Variants in SNX24 observed in about 807,000 individuals in gnomAD.
SNX24 encodes the protein sorting nexin 24, also known as sorting nexin-24.
SNX24 carries 22 observed loss-of-function variants against 28.7 expected under a neutral mutation model. That is an observed-to-expected ratio of 0.77 (90% CI 0.55 to 1.10). The LOEUF (loss-of-function observed/expected upper bound fraction) is 1.10. SNX24 is among the 50% of genes least tolerant of loss of function. The pLI, the probability that SNX24 is intolerant of heterozygous loss-of-function variation, is 0.00. For missense variants in SNX24, 221 were observed against 201.1 expected (o/e 1.10, Z -0.60); for synonymous variants, 69 against 71.5 (o/e 0.96, Z 0.18).
intron 3 of SNX24, among the ~76,000 whole-genome samples, chr5:122,958,784 T>A (rs1487420531): frequency 6.6e-6 from 1 of 152,022 alleles, no homozygotes; most frequent in Admixed American, 6.6e-5. Context: ...GGTCTCAGAC[T>A]CCTGAGCTCA....
At chr5:122,959,300 G>A (rs187405) in intron 3 of SNX24, among the ~76,000 whole-genome samples, 114,178 of 148,024 alleles carry the variant, frequency 0.77, 44,764 homozygotes, top group East Asian at 0.99. Context: ...TTTTTTTTTC[G>A]TGTATTCCAT....
At chr5:122,849,899 AGTGATCTTGAG>A (rs202179823) in intron 1 of SNX24, among the ~76,000 whole-genome samples, 399 of 152,296 alleles carry the variant, frequency 2.6e-3, no homozygotes, top group African/African-American at 9.2e-3. Flanking sequence ...CCAGAAGAGC[AGTGATCTTGAG>A]GTGTGTAGCA....
chr5:122,954,022 C>A (rs1475565751), intron 3 of SNX24, among the ~76,000 whole-genome samples: 3 of 152,114 alleles, frequency 2.0e-5, no homozygotes, highest in Non-Finnish European at 4.4e-5. Context: ...GCCCTTCATT[C>A]ATTCTTTAAA....
Position 123,023,907 on chromosome 5 carries a change from T to C in SNX24, n.384-5331T>C, listed in dbSNP as rs537838921. 9.0e-5 allele frequency: 146 copies of C among 1,613,578 alleles called. 2 individuals carry two copies. The South Asian group carries it at 1.5e-3, about 17-fold the overall frequency. On this transcript the variant is annotated intron_variant and non_coding_transcript_variant, in intron 5 of 5. Coordinates refer to the SNX24 transcript ENST00000502387. The stretch of plus-strand genomic sequence containing the variant: ...TCAGCGATCTCAACCACAAAAGGCG[T>C]TTTCACGTCTATCTTGCCACTGTTG...
chr5:122,945,946 C>A, intron 2 of SNX24, 109 bp from the exon 3 acceptor site: 1 of 568,802 alleles, frequency 1.8e-6, no homozygotes, highest in Admixed American at 3.3e-5. Context: ...TTGCAGATAG[C>A]AGTAGTTCAC....
In SNX24 at chr5:122,879,139, A is replaced by G. The variant is rs73797096; in HGVS notation, c.60+33446A>G. 3.3e-3 allele frequency among the ~76,000 whole-genome samples: 501 copies of G among 152,276 alleles called. 2 individuals carry two copies. Among genetic ancestry groups the G allele is most frequent in the African/African-American group, 0.011 (459 of 41,536 alleles). The stretch of plus-strand genomic sequence containing the variant: ...ACATGTAATCTGTGTAAACATTATT[A>G]ATGAGACCACTTGTTATTTTTGTAG... On this transcript the variant is annotated intron_variant, in intron 1 of 6. Coordinates refer to ENST00000261369, the MANE Select transcript of SNX24 (RefSeq NM_014035.4).
At position 123,028,904 on chromosome 5, in the gene SNX24, G is replaced by A. The variant is rs545111595; in HGVS notation, n.384-334G>A. The A allele has an allele frequency of 6.0e-6, 9 of 1,490,898 alleles. No individual in the cohort carries two copies. The East Asian group carries it at 2.0e-4, about 34-fold the overall frequency. The allele number at this position is 1,490,898 out of a possible 1,614,324, so 92.4% of individuals were successfully genotyped here. A position where few individuals can be genotyped will look rare whatever the true frequency, so the allele number is the denominator to read the frequency against. ...TACTTCAGTTGAATAACAAGTAACA[G>A]AGGCCATACTGAAAGATAAACTCAG... is the stretch of plus-strand genomic sequence containing the variant. On this transcript the variant is annotated intron_variant and non_coding_transcript_variant, in intron 5 of 5. Coordinates refer to the SNX24 transcript ENST00000502387.
intron 1 of SNX24, among the ~76,000 whole-genome samples, chr5:122,898,707 A>T (rs970666454): frequency 4.6e-5 from 7 of 152,248 alleles, no homozygotes; most frequent in Non-Finnish European, 1.0e-4. Context: ...TTAAATCTTG[A>T]TGATGGGTAG....
intron 1 of SNX24, among the ~76,000 whole-genome samples, chr5:122,876,585 T>G (rs1756233112): frequency 6.6e-6 from 1 of 152,242 alleles, no homozygotes; most frequent in Non-Finnish European, 1.5e-5. Flanking sequence ...GTTTTGAGTG[T>G]CTGCTTTGTG....
At chr5:122,986,860 G>GAT in intron 3 of SNX24, among the ~76,000 whole-genome samples, 1 of 142,274 alleles carries the variant, frequency 7.0e-6, no homozygotes, top group Non-Finnish European at 1.5e-5. Flanking sequence ...TGGGTGGGTG[G>GAT]GTGGATGGAT....
chr5:122,907,813 A>G (rs568987278), intron 1 of SNX24, among the ~76,000 whole-genome samples: 4 of 152,202 alleles, frequency 2.6e-5, no homozygotes, highest in Admixed American at 1.3e-4. Context: ...TTAAAAATCT[A>G]TTGAAACTTC....
intron 1 of SNX24, among the ~76,000 whole-genome samples, chr5:122,909,320 C>T (rs1436994129): frequency 3.3e-5 from 5 of 152,130 alleles, no homozygotes; most frequent in African/African-American, 9.7e-5. Context: ...TGCCAGGTAC[C>T]GTACTCTGCT....
chr5:122,983,566 T>A (rs1761475505), intron 3 of SNX24, among the ~76,000 whole-genome samples: 1 of 152,180 alleles, frequency 6.6e-6, no homozygotes, highest in Admixed American at 6.5e-5. Flanking sequence ...TATTCAGACT[T>A]TATCAAAATC....
intron 1 of SNX24, among the ~76,000 whole-genome samples, chr5:122,907,473 G>A (rs904635721): frequency 2.0e-5 from 3 of 152,178 alleles, no homozygotes; most frequent in African/African-American, 7.2e-5. Flanking sequence ...TCACCTAGGA[G>A]TCACGGGGCT....
At chr5:122,926,603 A>G (rs1360084973) in intron 1 of SNX24, among the ~76,000 whole-genome samples, 1 of 152,224 alleles carries the variant, frequency 6.6e-6, no homozygotes, top group Admixed American at 6.5e-5. Context: ...ACAGGTCATT[A>G]TAAAGCCTAA....
At chr5:123,016,088 A>G (rs187641050) in intron 5 of SNX24, among the ~76,000 whole-genome samples, 64 of 152,376 alleles carry the variant, frequency 4.2e-4, no homozygotes, top group Non-Finnish European at 8.1e-4. Flanking sequence ...ATCTTTCCAA[A>G]TTCGACCTTG....
intron 5 of SNX24, among the ~76,000 whole-genome samples, 168 bp downstream of exon 5, chr5:123,001,605 A>G (rs1762249170): frequency 6.6e-6 from 1 of 152,238 alleles, no homozygotes; most frequent in Non-Finnish European, 1.5e-5. Flanking sequence ...GTTAGAATTA[A>G]GAGTGGAGGA....
chr5:122,934,698 A>G (rs30048), intron 1 of SNX24, among the ~76,000 whole-genome samples: 115,116 of 152,184 alleles, frequency 0.76, 44,303 homozygotes, highest in East Asian at 0.99. Context: ...TCACTTTGTC[A>G]TGAAAATCCT....
chr5:122,871,384 C>T (rs1011816731), intron 1 of SNX24, among the ~76,000 whole-genome samples: 1 of 152,198 alleles, frequency 6.6e-6, no homozygotes, highest in Non-Finnish European at 1.5e-5. Context: ...GGAGAAGCAT[C>T]AGCTTTGTTT....
Sources: allele counts gnomAD v4.1 joint callset (sites outside exome capture counted in the v4.1 genomes callset), GRCh38; gene constraint gnomAD v4.1.1; transcripts MANE v1.5; gene names NCBI Gene and HGNC (gene_info 2026-07-23, HGNC 2026-07-21).